The following GRM5 variants were observed in gnomAD, a reference collection of about 807,000 sequenced individuals.
GRM5 encodes metabotropic glutamate receptor 5.
GRM5 carries 19 observed loss-of-function variants against 83.1 expected under a neutral mutation model. The ratio of observed to expected loss-of-function variants is 0.23; its 90% CI spans 0.16 to 0.34. The LOEUF (loss-of-function observed/expected upper bound fraction) is 0.34, where lower values mean the gene tolerates loss of function less well. Among genes scored for constraint, GRM5 ranks in the 10% least tolerant of loss-of-function variants. GRM5 has a pLI of 1.00. For missense variants in GRM5, 1,160 were observed against 1,588.3 expected (o/e 0.73, Z 4.58); for synonymous variants, 675 against 633.6 (o/e 1.07, Z -0.98).
chr11:89,034,283 A>G (rs1362157808), intron 2 of GRM5, among the ~76,000 whole-genome samples: 1 of 151,886 alleles, frequency 6.6e-6, no homozygotes, highest in Non-Finnish European at 1.5e-5. Context: ...AATCAGAGCC[A>G]TTCAATAGCA....
chr11:88,740,700 G>GACTC (rs1942009494), intron 3 of GRM5, among the ~76,000 whole-genome samples: 1 of 152,046 alleles, frequency 6.6e-6, no homozygotes, highest in African/African-American at 2.4e-5. Flanking sequence ...GGCTTCGTGA[G>GACTC]ACTCAGGAGT....
intron 4 of GRM5, among the ~76,000 whole-genome samples, chr11:88,638,981 G>C (rs2135283184): frequency 6.6e-6 from 1 of 151,418 alleles, no homozygotes; most frequent in African/African-American, 2.4e-5. Flanking sequence ...TTTTCACTCT[G>C]GTCTATTATT....
intron 3 of GRM5, among the ~76,000 whole-genome samples, chr11:88,702,181 A>T (rs147777124): frequency 6.6e-6 from 1 of 152,096 alleles, no homozygotes. Context: ...CTATGAAGTA[A>T]CTATATCTAC....
intron 3 of GRM5, among the ~76,000 whole-genome samples, chr11:88,773,156 A>G: frequency 6.6e-6 from 1 of 152,070 alleles, no homozygotes; most frequent in Admixed American, 6.6e-5. Context: ...CTGGCATGAG[A>G]TGGTATCTCA....
At chr11:88,857,096 T>C (rs1235421582) in intron 2 of GRM5, among the ~76,000 whole-genome samples, 2 of 152,066 alleles carry the variant, frequency 1.3e-5, no homozygotes, top group Non-Finnish European at 2.9e-5. Context: ...AGTAAAATCC[T>C]GAAATAAAAA....
chr11:88,655,469 T>C (rs1295271912), intron 3 of GRM5, among the ~76,000 whole-genome samples: 6 of 152,124 alleles, frequency 3.9e-5, no homozygotes, highest in Non-Finnish European at 7.4e-5. Flanking sequence ...CTCGCTCTTA[T>C]GTAACACTAT....
chr11:89,009,088 T>C, intron 2 of GRM5: 1 of 742,638 alleles, frequency 1.3e-6, no homozygotes, highest in East Asian at 2.5e-5. Flanking sequence ...CTTCCTTCTT[T>C]GTCCCTCTAC....
At chr11:88,796,224 G>A (rs1008833382) in intron 3 of GRM5, among the ~76,000 whole-genome samples, 1 of 152,150 alleles carries the variant, frequency 6.6e-6, no homozygotes, top group African/African-American at 2.4e-5. Flanking sequence ...AGCAAGGTCA[G>A]TATTTGAACT....
chr11:88,768,190 C>T (rs1942660726), intron 3 of GRM5, among the ~76,000 whole-genome samples: 1 of 151,858 alleles, frequency 6.6e-6, no homozygotes, highest in South Asian at 2.1e-4. Flanking sequence ...GAAAGCAACC[C>T]CAGTGCCCAC....
At chr11:88,953,478 G>A (rs1158120996) in intron 2 of GRM5, among the ~76,000 whole-genome samples, 2 of 152,102 alleles carry the variant, frequency 1.3e-5, no homozygotes, top group Admixed American at 6.5e-5. Context: ...GAAGGTACAC[G>A]AAGCAGAAAT....
chr11:88,545,507 T>C lies in GRM5; in HGVS notation c.2631-20103A>G, dbSNP rs16914188. Among the ~76,000 whole-genome samples, 792 of 142,094 alleles carry C rather than the reference T, an allele frequency of 5.6e-3. 10 individuals are homozygous for C. Among genetic ancestry groups the C allele is most frequent in the African/African-American group, 0.019 (758 of 39,214 alleles). 93.2% of individuals were successfully genotyped at this position (142,094 alleles called of 152,430 possible). A position where few individuals can be genotyped will look rare whatever the true frequency, so the allele number is the denominator to read the frequency against. On this transcript the variant is annotated intron_variant, in intron 8 of 9. Transcript: ENST00000305447. ...TAGTCTGAACCTTTCTTTGAGCTCATAGGACATAATATAAACATGTCCAAA... is the reference window on the plus strand; with the variant it reads ...TAGTCTGAACCTTTCTTTGAGCTCACAGGACATAATATAAACATGTCCAAA...
At chr11:88,904,750 A>G (rs898319694) in intron 2 of GRM5, among the ~76,000 whole-genome samples, 3 of 152,150 alleles carry the variant, frequency 2.0e-5, no homozygotes, top group African/African-American at 7.2e-5. Context: ...ATATATGTAT[A>G]TATTGTGTAT....
intron 9 of GRM5, among the ~76,000 whole-genome samples, chr11:88,513,512 A>G (rs1408050210): frequency 6.6e-6 from 1 of 152,204 alleles, no homozygotes; most frequent in African/African-American, 2.4e-5. Flanking sequence ...ACATATTTAA[A>G]AAATTTCATT....
At chr11:89,000,846 A>G (rs1940353770) in intron 2 of GRM5, among the ~76,000 whole-genome samples, 2 of 152,154 alleles carry the variant, frequency 1.3e-5, no homozygotes, top group Non-Finnish European at 2.9e-5. Flanking sequence ...AGAAAGACTT[A>G]AAACTCAATG....
At chr11:89,040,921 A>T (rs1400979728) in intron 2 of GRM5, among the ~76,000 whole-genome samples, 1 of 152,166 alleles carries the variant, frequency 6.6e-6, no homozygotes, top group Non-Finnish European at 1.5e-5. Flanking sequence ...TGTTGGGCAG[A>T]ATTTACTGTG....
At chr11:88,793,254 G>T (rs1943211388) in intron 3 of GRM5, among the ~76,000 whole-genome samples, 1 of 152,070 alleles carries the variant, frequency 6.6e-6, no homozygotes, top group Non-Finnish European at 1.5e-5. Context: ...GAACAAGAAA[G>T]CATATATATG....
chr11:88,617,731 G>A (rs1938523307), intron 4 of GRM5, among the ~76,000 whole-genome samples: 1 of 152,134 alleles, frequency 6.6e-6, no homozygotes. Flanking sequence ...CAGTGTGCGG[G>A]GGAAAATTCT....
rs754913759 is a variant in GRM5, at chr11:89,047,832, T to C, written c.41A>G (p.Glu14Gly). The C allele has an allele frequency of 8.7e-6, 14 of 1,614,042 alleles. No homozygotes were observed. In the South Asian group the frequency reaches 1.5e-4, roughly 18 times the overall value. ...GGACTGTGCACTCCCACGGACATCT[T>C]CTTTCAAAAGTAAGACTGACAGGAT... ...LLILSVLLLK[E>G]DVRGSAQSSE... Residue 14 changes from glutamate (E) to glycine (G), a missense_variant, in exon 2 of 10, where the codon GAA becomes GGA. By Grantham distance (98) the Glu-to-Gly change is moderately conservative (BLOSUM62 -2). This residue lies in a region of GRM5 where 71 missense variants were observed against 145.8 expected (regional missense o/e 0.49). Coordinates refer to ENST00000305447, the MANE Select transcript of GRM5 (RefSeq NM_001143831.3). This position sits in a 1 kb window ranked among gnomAD's most constrained non-coding sequence, Gnocchi z 5.1.
At chr11:88,853,884 A>G (rs1197473580) in intron 2 of GRM5, among the ~76,000 whole-genome samples, 2 of 122,260 alleles carry the variant, frequency 1.6e-5, no homozygotes, top group Non-Finnish European at 3.6e-5. Context: ...CCATTAATAG[A>G]AAACTTCACG....
Sources: allele counts gnomAD v4.1 joint callset (sites outside exome capture counted in the v4.1 genomes callset), GRCh38; gene constraint gnomAD v4.1.1; regional missense constraint gnomAD v4.1.1; non-coding constraint Gnocchi (gnomAD v3.1); transcripts MANE v1.5; gene names NCBI Gene and HGNC (gene_info 2026-07-23, HGNC 2026-07-21).